SLC35F3: variants seen among roughly 807,000 people sequenced by gnomAD.
SLC35F3 encodes putative thiamine transporter SLC35F3.
Under a neutral mutation model 49.9 loss-of-function variants are expected in SLC35F3, and 25 were observed. The observed-to-expected ratio is 0.50, with a 90% CI of 0.37 to 0.70. The LOEUF (loss-of-function observed/expected upper bound fraction) is 0.70. Ranked by LOEUF, SLC35F3 falls within the 30% of genes least tolerant of loss-of-function variation. SLC35F3 has a pLI of 0.00. For synonymous variants in SLC35F3, 275 were observed against 265.4 expected (o/e 1.04, Z -0.35); for missense variants, 525 against 639.8 (o/e 0.82, Z 1.94).
At chr1:234,272,116 ACT>A (rs1668117476) in intron 3 of SLC35F3, among the ~76,000 whole-genome samples, 1 of 152,142 alleles carries the variant, frequency 6.6e-6, no homozygotes, top group Non-Finnish European at 1.5e-5. Context: ...ACAGAGCGAG[ACT>A]CTGTCTCAAA....
At chr1:234,241,062 A>T (rs1005967146) in intron 3 of SLC35F3, among the ~76,000 whole-genome samples, 15 of 152,232 alleles carry the variant, frequency 9.9e-5, no homozygotes, top group African/African-American at 3.4e-4. Context: ...AAAGGAGAAA[A>T]CATGCTAGTG....
intron 2 of SLC35F3, among the ~76,000 whole-genome samples, chr1:233,912,991 G>T (rs1439905587): frequency 6.6e-6 from 1 of 152,188 alleles, no homozygotes; most frequent in Non-Finnish European, 1.5e-5. Flanking sequence ...AGAATGCAGA[G>T]ATTAGTGATG....
intron 2 of SLC35F3, among the ~76,000 whole-genome samples, chr1:233,946,589 A>G (rs1226038466): frequency 6.6e-6 from 1 of 151,784 alleles, no homozygotes; most frequent in African/African-American, 2.4e-5. Context: ...TTTTGGATGA[A>G]CTTTTAAAGA....
chr1:234,285,179 T>C (rs1289131330), intron 3 of SLC35F3: 1 of 311,060 alleles, frequency 3.2e-6, no homozygotes, highest in Non-Finnish European at 6.2e-6. Flanking sequence ...GTGGCTACTC[T>C]TCACACTACG....
chr1:233,911,506 T>G (rs967070219), intron 2 of SLC35F3, among the ~76,000 whole-genome samples: 1 of 152,168 alleles, frequency 6.6e-6, no homozygotes, highest in Non-Finnish European at 1.5e-5. Context: ...TGCTAACAAT[T>G]TAGTAAATAG....
chr1:233,991,737 C>T (rs1663358235), intron 2 of SLC35F3, among the ~76,000 whole-genome samples: 2 of 152,176 alleles, frequency 1.3e-5, no homozygotes, highest in South Asian at 2.1e-4. Flanking sequence ...CTGTATTTTG[C>T]AACTTCAAAG....
At position 234,183,294 on chromosome 1, in the gene SLC35F3, C is replaced by T. The variant is rs1029478712; in HGVS notation, c.284-48123C>T. 9.1e-5 allele frequency among the ~76,000 whole-genome samples: 13 copies of T among 142,992 alleles called. 2 individuals are homozygous for T. Among genetic ancestry groups the T allele is most frequent in the Admixed American group, 6.2e-4 (8 of 12,870 alleles). The allele number at this position is 142,992 out of a possible 152,430, so 93.8% of individuals were successfully genotyped here. ...CAGCCTTCAAAGTGCTGGGACTACA[C>T]GCGTGAGCCACTGCACCTGGCCAGA... On this transcript the variant is annotated intron_variant, in intron 2 of 7. Transcript: ENST00000366618.
At chr1:234,068,864 TTATA>T (rs1386305678) in intron 2 of SLC35F3, among the ~76,000 whole-genome samples, 1 of 115,262 alleles carries the variant, frequency 8.7e-6, no homozygotes, top group Admixed American at 9.8e-5. Context: ...TATGGCATAT[TTATA>T]TATATTTTAC....
intron 2 of SLC35F3, among the ~76,000 whole-genome samples, chr1:233,959,888 C>T (rs1207946561): frequency 6.6e-6 from 1 of 152,144 alleles, no homozygotes; most frequent in Non-Finnish European, 1.5e-5. Context: ...TCAGGTGTGA[C>T]CTGGACATTG....
chr1:234,269,038 AG>A (rs1326644108), intron 3 of SLC35F3, among the ~76,000 whole-genome samples: 1 of 152,236 alleles, frequency 6.6e-6, no homozygotes, highest in Non-Finnish European at 1.5e-5. Context: ...ATTGGGGAAA[AG>A]GAAGGACTCA....
chr1:233,982,616 C>T (rs1279459881), intron 2 of SLC35F3, among the ~76,000 whole-genome samples: 2 of 152,102 alleles, frequency 1.3e-5, no homozygotes, highest in Admixed American at 6.5e-5. Context: ...TCAGGTGATC[C>T]GCCCACCTTG....
At chr1:234,122,429 C>T (rs1665589695) in intron 2 of SLC35F3, among the ~76,000 whole-genome samples, 1 of 152,192 alleles carries the variant, frequency 6.6e-6, no homozygotes, top group African/African-American at 2.4e-5. Flanking sequence ...TAGAAAATGA[C>T]TTCAAATGGC....
At chr1:233,950,967 A>C (rs1258711337) in intron 2 of SLC35F3, among the ~76,000 whole-genome samples, 1 of 152,150 alleles carries the variant, frequency 6.6e-6, no homozygotes, top group Non-Finnish European at 1.5e-5. Flanking sequence ...AAAGTAAAGA[A>C]ATAGGAAAGA....
At chr1:234,260,984 G>A (rs1289095655) in intron 3 of SLC35F3, among the ~76,000 whole-genome samples, 3 of 152,154 alleles carry the variant, frequency 2.0e-5, no homozygotes, top group Admixed American at 1.3e-4. Context: ...TTCACATGAA[G>A]CCAAACCTAG....
intron 3 of SLC35F3, among the ~76,000 whole-genome samples, chr1:234,262,782 A>G (rs1349592215): frequency 6.6e-6 from 1 of 152,182 alleles, no homozygotes; most frequent in Non-Finnish European, 1.5e-5. Context: ...ACCAAGTCAC[A>G]GGCTCTGTTC....
rs144626363 is a variant in SLC35F3, at chr1:234,240,586, C to T, written c.608+8845C>T. ...TGCCGCTGCACTCCAGCCTGGGTGA[C>T]AGAGTGAGACCCTCTCTGAAAAAAA... On this transcript the variant is annotated intron_variant, in intron 3 of 7. Coordinates refer to ENST00000366618, the MANE Select transcript of SLC35F3 (RefSeq NM_173508.4). Among the ~76,000 whole-genome samples the T allele has an allele frequency of 7.4e-3, 1,116 of 150,706 alleles. 18 individuals carry two copies. Among genetic ancestry groups the T allele is most frequent in the African/African-American group, 0.026 (1,082 of 40,890 alleles).
At position 234,275,761 on chromosome 1, in the gene SLC35F3, A is replaced by T. The variant is rs201388988; in HGVS notation, c.609-33340A>T. Among the ~76,000 whole-genome samples, 937 of 137,288 alleles carry T rather than the reference A, an allele frequency of 6.8e-3. 3 individuals carry two copies. Among genetic ancestry groups the T allele is most frequent in the African/African-American group, 0.012 (444 of 36,004 alleles). The allele number at this position is 137,288 out of a possible 152,430, so 90.1% of individuals were successfully genotyped here. On this transcript the variant is annotated intron_variant, in intron 3 of 7. Transcript: ENST00000366618. ...ATCATTGGTAAGTATTGAAAAAAAAAAAATATATATATATATATATAGCAC... is the reference window on the plus strand; with the variant it reads ...ATCATTGGTAAGTATTGAAAAAAAATAAATATATATATATATATATAGCAC...
At chr1:234,261,080 G>A (rs1025338727) in intron 3 of SLC35F3, among the ~76,000 whole-genome samples, 13 of 152,134 alleles carry the variant, frequency 8.5e-5, no homozygotes, top group African/African-American at 3.1e-4. Context: ...CTAACACAAT[G>A]CTAAGTGGGG....
intron 2 of SLC35F3, among the ~76,000 whole-genome samples, chr1:234,094,448 T>C (rs1665088867): frequency 6.6e-6 from 1 of 152,258 alleles, no homozygotes; most frequent in African/African-American, 2.4e-5. Context: ...TCTGCTTCAG[T>C]AGAGTGACAC....
Sources: allele counts gnomAD v4.1 joint callset (sites outside exome capture counted in the v4.1 genomes callset), GRCh38; gene constraint gnomAD v4.1.1; transcripts MANE v1.5; gene names NCBI Gene and HGNC (gene_info 2026-07-23, HGNC 2026-07-21).